NCALD: variants seen among roughly 807,000 people sequenced by gnomAD.
NCALD encodes neurocalcin-delta.
In NCALD, 10 loss-of-function variants were observed where a neutral mutation model predicts 18.6. The ratio of observed to expected loss-of-function variants is 0.54; its 90% CI spans 0.33 to 0.91. The LOEUF (loss-of-function observed/expected upper bound fraction) is 0.91, where lower values mean the gene tolerates loss of function less well. NCALD is among the 40% of genes least tolerant of loss of function. NCALD has a pLI of 0.03. For missense variants in NCALD, 184 were observed against 247.6 expected (o/e 0.74, Z 1.72); for synonymous variants, 88 against 87.4 (o/e 1.01, Z -0.04).
At chr8:102,075,121 G>A (rs1255599435) in intron 1 of NCALD, among the ~76,000 whole-genome samples, 1 of 152,160 alleles carries the variant, frequency 6.6e-6, no homozygotes, top group Non-Finnish European at 1.5e-5. Flanking sequence ...CTGAGAAACT[G>A]AATATTTAAC....
intron 1 of NCALD, among the ~76,000 whole-genome samples, chr8:101,767,587 T>C (rs1324051263): frequency 6.6e-6 from 1 of 152,246 alleles, no homozygotes; most frequent in Non-Finnish European, 1.5e-5. Context: ...AAATTGCCTA[T>C]GGACTCAACT....
intron 4 of NCALD, among the ~76,000 whole-genome samples, chr8:101,842,080 C>A (rs1814664883): frequency 6.6e-6 from 1 of 152,188 alleles, no homozygotes; most frequent in South Asian, 2.1e-4. Flanking sequence ...TATCTGAGGT[C>A]TCTTTCCCTT....
chr8:102,016,367 G>C (rs995455026), intron 2 of NCALD, among the ~76,000 whole-genome samples: 7 of 152,192 alleles, frequency 4.6e-5, no homozygotes, highest in Non-Finnish European at 8.8e-5. Context: ...GCTAGCCCAG[G>C]TGAACTGAGA....
chr8:101,931,762 G>A (rs73290551), intron 2 of NCALD, among the ~76,000 whole-genome samples: 10,260 of 152,134 alleles, frequency 0.067, 408 homozygotes, highest in East Asian at 0.13. Context: ...CAGTGGCCCT[G>A]CAAAGCACTC....
chr8:101,956,182 T>A (rs1180180801), intron 2 of NCALD, among the ~76,000 whole-genome samples: 1 of 152,216 alleles, frequency 6.6e-6, no homozygotes, highest in African/African-American at 2.4e-5. Context: ...GAACATTGCT[T>A]ATCCACCCCC....
intron 2 of NCALD, among the ~76,000 whole-genome samples, chr8:101,954,758 T>C (rs750047171): frequency 6.6e-6 from 1 of 152,178 alleles, no homozygotes; most frequent in South Asian, 2.1e-4. Context: ...AATAGACTAG[T>C]AGACTATAAC....
At chr8:101,746,190 G>A (rs190511201) in intron 1 of NCALD, among the ~76,000 whole-genome samples, 3 of 152,234 alleles carry the variant, frequency 2.0e-5, no homozygotes, top group African/African-American at 7.2e-5. Context: ...GATGAAATTC[G>A]GAAATGCTAA....
chr8:102,096,066 A>G (rs1297678675), intron 1 of NCALD, among the ~76,000 whole-genome samples: 1 of 152,224 alleles, frequency 6.6e-6, no homozygotes. Context: ...GCATGGTCAC[A>G]TGAGCAGGCA....
chr8:101,996,569 T>G lies in NCALD; in HGVS notation c.-157+23668A>C, dbSNP rs12115118. Among the ~76,000 whole-genome samples, 1,155 of 152,330 alleles carry G rather than the reference T, an allele frequency of 7.6e-3. 16 individuals are homozygous for G. The highest frequency in any genetic ancestry group is 0.023 in the African/African-American group (956 of 41,572). ...CTGAGAGTTTTTAAGCAGAGGCAGA[T>G]CCTGATAAATATGACCTAGGTCTAG... On this transcript the variant is annotated intron_variant, in intron 2 of 6. Transcript: ENST00000311028.
rs1420793183 is a variant in NCALD at position 101,896,246 on chromosome 8, G to T, written c.-106-9019C>A. ...ACCATCTGATCTTTGACAAACCTGA[G>T]AAAAACAAGCAATGGGGAAAGGATT... is the stretch of plus-strand genomic sequence containing the variant. On this transcript the variant is annotated intron_variant, in intron 3 of 6. Transcript: ENST00000311028. Among the ~76,000 whole-genome samples, 263 of 152,062 alleles carry T rather than the reference G, an allele frequency of 1.7e-3. 2 individuals carry two copies. The highest frequency in any genetic ancestry group is 5.8e-3 in the African/African-American group (242 of 41,412).
intron 4 of NCALD, chr8:101,872,476 C>T: frequency 2.3e-6 from 2 of 869,796 alleles, no homozygotes; most frequent in Non-Finnish European, 3.9e-6. Context: ...TTCTTTTATA[C>T]TTTCCTTGGT....
intron 1 of NCALD, among the ~76,000 whole-genome samples, chr8:102,033,850 T>C (rs987556468): frequency 6.6e-6 from 1 of 152,090 alleles, no homozygotes; most frequent in Non-Finnish European, 1.5e-5. Flanking sequence ...GAGTAAAGAT[T>C]TGCATCAGCC....
At chr8:101,788,058 A>G (rs1052460540) in intron 1 of NCALD, among the ~76,000 whole-genome samples, 16 of 152,354 alleles carry the variant, frequency 1.1e-4, no homozygotes, top group African/African-American at 3.8e-4. Context: ...GGAGGAAAAT[A>G]AAAGAAAGTT....
At chr8:102,086,000 C>A (rs1384287978) in intron 1 of NCALD, among the ~76,000 whole-genome samples, 1 of 152,066 alleles carries the variant, frequency 6.6e-6, no homozygotes, top group Non-Finnish European at 1.5e-5. Flanking sequence ...TTTTTCCTGA[C>A]ATTTTTGCAG....
At chr8:102,032,360 T>C (rs1039271554) in intron 1 of NCALD, among the ~76,000 whole-genome samples, 1 of 152,122 alleles carries the variant, frequency 6.6e-6, no homozygotes, top group Non-Finnish European at 1.5e-5. Context: ...AAAAAAGACT[T>C]GGATATGTTT....
chr8:102,080,340 A>G (rs1014532222), intron 1 of NCALD, among the ~76,000 whole-genome samples: 1 of 152,228 alleles, frequency 6.6e-6, no homozygotes, highest in Admixed American at 6.5e-5. Flanking sequence ...ATTCATTTCA[A>G]GACTGGCCTG....
rs1456831090 is a variant in NCALD at position 101,689,984 on chromosome 8, C to G, written c.485-578G>C. 6.6e-6 allele frequency among the ~76,000 whole-genome samples: 1 copy of G among 152,180 alleles called. No individual in the cohort carries two copies. Among genetic ancestry groups the G allele is most frequent in the African/African-American group, 2.4e-5 (1 of 41,442 alleles). The stretch of plus-strand genomic sequence containing the variant: ...CACGGGAAGACAGCTGTGCCTCCAT[C>G]TGAGGTCAGGGAAGAGCAGGGTATG... On this transcript the variant is annotated intron_variant, in intron 3 of 3. Coordinates refer to ENST00000220931, the MANE Select transcript of NCALD (RefSeq NM_032041.3). The surrounding 1 kb of genome is among the most constrained non-coding windows in gnomAD (Gnocchi z 4.4).
At chr8:101,886,045 G>A (rs1195995408) in intron 4 of NCALD, among the ~76,000 whole-genome samples, 1 of 152,122 alleles carries the variant, frequency 6.6e-6, no homozygotes, top group Non-Finnish European at 1.5e-5. Flanking sequence ...CAGGAGAAAT[G>A]CAATAGGGCT....
chr8:102,073,958 T>C (rs1286611121), intron 1 of NCALD, among the ~76,000 whole-genome samples: 1 of 152,176 alleles, frequency 6.6e-6, no homozygotes, highest in Non-Finnish European at 1.5e-5. Flanking sequence ...CACCTCGAGT[T>C]AGAGGTTTTG....
Sources: allele counts gnomAD v4.1 joint callset (sites outside exome capture counted in the v4.1 genomes callset), GRCh38; gene constraint gnomAD v4.1.1; non-coding constraint Gnocchi (gnomAD v3.1); transcripts MANE v1.5; gene names NCBI Gene and HGNC (gene_info 2026-07-23, HGNC 2026-07-21).